Variants in KAZN observed in about 807,000 individuals in gnomAD.
The protein encoded by KAZN is kazrin, periplakin interacting protein.
KAZN carries 40 observed loss-of-function variants against 87.4 expected under a neutral mutation model. The ratio of observed to expected loss-of-function variants is 0.46; its 90% CI spans 0.36 to 0.60. The LOEUF is 0.60. Among genes scored for constraint, KAZN ranks in the 20% least tolerant of loss-of-function variants. KAZN has a pLI of 0.00. For synonymous variants in KAZN, 466 were observed against 458.3 expected, an observed-to-expected ratio of 1.02 and a Z score of -0.22; for missense variants, 898 against 1,073.9, an observed-to-expected ratio of 0.84 and a Z score of 2.29.
intron 13 of KAZN, among the ~76,000 whole-genome samples, chr1:15,108,995 G>A (rs540419049): frequency 6.6e-6 from 1 of 152,280 alleles, no homozygotes; most frequent in Admixed American, 6.5e-5. Flanking sequence ...GAAAAAATAA[G>A]GAGGGAGGAT....
intron 1 of KAZN, among the ~76,000 whole-genome samples, chr1:14,027,289 G>A (rs745455624): frequency 6.6e-6 from 1 of 152,108 alleles, no homozygotes; most frequent in Non-Finnish European, 1.5e-5. Context: ...AGCCCCATGC[G>A]ATGCGCTGGC....
intron 2 of KAZN, among the ~76,000 whole-genome samples, chr1:14,275,444 C>CTGTGTGTGTGTGTG (rs60684981): frequency 8.8e-4 from 120 of 136,964 alleles, no homozygotes; most frequent in Non-Finnish European, 1.2e-3. Context: ...GTGGTAAATA[C>CTGTGTGTGTGTGTG]TGTGTGTGTG....
At chr1:14,437,595 G>T (rs909701486) in intron 2 of KAZN, among the ~76,000 whole-genome samples, 8 of 152,136 alleles carry the variant, frequency 5.3e-5, no homozygotes, top group Non-Finnish European at 8.8e-5. Flanking sequence ...AAAAAAAGGT[G>T]GGAGCATTGT....
chr1:14,597,034 G>C (rs571323836), upstream of KAZN, among the ~76,000 whole-genome samples: 4 of 152,156 alleles, frequency 2.6e-5, no homozygotes, highest in African/African-American at 4.8e-5. Flanking sequence ...GCTGCACCAC[G>C]GCATCCCCCT....
At chr1:14,386,720 G>A (rs982903661) in intron 2 of KAZN, among the ~76,000 whole-genome samples, 2 of 152,048 alleles carry the variant, frequency 1.3e-5, no homozygotes, top group Non-Finnish European at 2.9e-5. Context: ...AGGGTAACAT[G>A]ACCTTTCTCT....
chr1:14,521,650 C>T (rs907554052), intron 2 of KAZN, among the ~76,000 whole-genome samples: 57 of 152,318 alleles, frequency 3.7e-4, no homozygotes, highest in African/African-American at 1.1e-3. Context: ...CTGAGACCTG[C>T]GAACTGAGAA....
At chr1:14,375,936 A>G (rs764476379) in intron 2 of KAZN, among the ~76,000 whole-genome samples, 2 of 152,166 alleles carry the variant, frequency 1.3e-5, no homozygotes, top group African/African-American at 4.8e-5. Context: ...GAGTACTCAT[A>G]TGTGTACAAT....
At chr1:14,476,199 G>A (rs1037396555) in intron 2 of KAZN, among the ~76,000 whole-genome samples, 2 of 152,176 alleles carry the variant, frequency 1.3e-5, no homozygotes, top group Non-Finnish European at 1.5e-5. Flanking sequence ...TTGGTTGGTT[G>A]GTTGGCATCA....
intron 1 of KAZN, among the ~76,000 whole-genome samples, chr1:14,680,885 C>CATTG (rs1449040468): frequency 6.6e-6 from 1 of 152,172 alleles, no homozygotes; most frequent in Non-Finnish European, 1.5e-5. Context: ...AAAGAGCCTT[C>CATTG]ATTGGCTCCT....
At chr1:14,830,494 T>G (rs1396436595) in intron 1 of KAZN, among the ~76,000 whole-genome samples, 1 of 152,182 alleles carries the variant, frequency 6.6e-6, no homozygotes, top group Non-Finnish European at 1.5e-5. Flanking sequence ...CTCACACTGT[T>G]GTAAAGAACT....
chr1:14,733,253 G>T (rs557038936), intron 1 of KAZN, among the ~76,000 whole-genome samples: 2 of 152,224 alleles, frequency 1.3e-5, no homozygotes, highest in African/African-American at 4.8e-5. Context: ...GGCAGCCTGT[G>T]CTTGGAGTTA....
chr1:14,532,706 G>A (rs1028726252), intron 2 of KAZN, among the ~76,000 whole-genome samples: 2 of 144,154 alleles, frequency 1.4e-5, no homozygotes, highest in African/African-American at 5.2e-5. Flanking sequence ...ACCTATGAGT[G>A]AGAACATGCA....
chr1:13,899,495 CTGTT>C (rs1386348530), intron 1 of KAZN, among the ~76,000 whole-genome samples: 1 of 152,184 alleles, frequency 6.6e-6, no homozygotes, highest in Non-Finnish European at 1.5e-5. Flanking sequence ...CAGCAAATGA[CTGTT>C]TGTTGAATGA....
At chr1:14,869,428 G>A (rs1651902814) in intron 1 of KAZN, among the ~76,000 whole-genome samples, 5 of 152,152 alleles carry the variant, frequency 3.3e-5, no homozygotes, top group Admixed American at 3.3e-4. Context: ...GCATGCTGGA[G>A]ACTAGTCATT....
rs2101349037 is a variant in KAZN at position 14,033,976 on chromosome 1, G to A, written c.91+140220G>A. ...GCAGACTGGCACATCTTCCAGGCAAGACAGGACAGTCAAAGGGAATGTATG... is the reference window on the plus strand; with the variant it reads ...GCAGACTGGCACATCTTCCAGGCAAAACAGGACAGTCAAAGGGAATGTATG... On this transcript the variant is annotated intron_variant, in intron 1 of 16. Coordinates refer to the KAZN transcript ENST00000636203. Among the ~76,000 whole-genome samples the A allele has an allele frequency of 2.0e-5, 3 of 152,328 alleles. No individual in the cohort carries two copies. The South Asian group carries it at 6.2e-4, about 32-fold the overall frequency.
chr1:14,737,615 A>T (rs1001630290), intron 1 of KAZN, among the ~76,000 whole-genome samples: 1 of 152,212 alleles, frequency 6.6e-6, no homozygotes, highest in African/African-American at 2.4e-5. Flanking sequence ...GCCATGGCTG[A>T]ACTGGGCTCT....
intron 2 of KAZN, among the ~76,000 whole-genome samples, chr1:14,982,174 A>G (rs149036025): frequency 2.9e-4 from 44 of 152,314 alleles, no homozygotes; most frequent in African/African-American, 1.0e-3. Context: ...AACTTGCAGC[A>G]GACACACGGC....
intron 2 of KAZN, among the ~76,000 whole-genome samples, chr1:14,386,354 T>C (rs1167271421): frequency 6.7e-6 from 1 of 148,814 alleles, no homozygotes; most frequent in African/African-American, 2.5e-5. Flanking sequence ...GATCCTGTCA[T>C]GATGATGTTA....
At chr1:14,076,048 G>A (rs1017447302) in intron 1 of KAZN, among the ~76,000 whole-genome samples, 8 of 152,178 alleles carry the variant, frequency 5.3e-5, no homozygotes, top group Admixed American at 2.0e-4. Context: ...TTGGGAGGCT[G>A]AGGCAGGTGG....
Sources: allele counts gnomAD v4.1 joint callset (sites outside exome capture counted in the v4.1 genomes callset), GRCh38; gene constraint gnomAD v4.1.1; transcripts MANE v1.5; gene names NCBI Gene and HGNC (gene_info 2026-07-23, HGNC 2026-07-21).